CAMTA1: variants seen among roughly 807,000 people sequenced by gnomAD.
CAMTA1 encodes the protein calmodulin binding transcription activator 1.
CAMTA1 carries 27 observed loss-of-function variants against 170.9 expected under a neutral mutation model. The observed-to-expected ratio is 0.16, with a 90% CI of 0.12 to 0.22. CAMTA1 has a LOEUF of 0.22. CAMTA1 is among the 10% of genes least tolerant of loss of function. The pLI is 1.00. For synonymous variants in CAMTA1, 833 were observed against 891.5 expected (o/e 0.93, Z 1.17); for missense variants, 1,619 against 2,217.2 (o/e 0.73, Z 5.42).
At chr1:7,659,303 A>AG (rs35268643) in intron 7 of CAMTA1, among the ~76,000 whole-genome samples, 58 of 152,120 alleles carry the variant, frequency 3.8e-4, no homozygotes, top group African/African-American at 9.4e-4. Context: ...GGGAGGCCAA[A>AG]GGGGGGTGGA....
chr1:7,766,482 AG>A lies in CAMTA1; in HGVS notation c.5015del (p.Gly1672GlufsTer13). Reference protein sequence around the residue: ...KRSERIEKGQGT With the variant: ...KRSERIEKGQXT ...AGAGTGAAAGAATTGAAAAAGGCCAAGGAACTTGAAGACATACAGCAGCATC... is the reference window on the plus strand; with the variant it reads ...AGAGTGAAAGAATTGAAAAAGGCCAAGAACTTGAAGACATACAGCAGCATC... On this transcript the variant is annotated frameshift_variant, in exon 23 of 23. Coordinates refer to ENST00000303635, the MANE Select transcript of CAMTA1 (RefSeq NM_015215.4). LOFTEE classifies it high-confidence loss of function. 1 of 1,614,146 alleles carries A rather than the reference AG, an allele frequency of 6.2e-7. No individual in the cohort carries two copies. Among genetic ancestry groups the A allele is most frequent in the East Asian group, 2.2e-5 (1 of 44,890 alleles).
At chr1:6,813,983 TA>T (rs1285744537) in intron 1 of CAMTA1, among the ~76,000 whole-genome samples, 2 of 152,238 alleles carry the variant, frequency 1.3e-5, no homozygotes, top group Admixed American at 1.3e-4. Context: ...GGCTGGTTAT[TA>T]ATTTATGAAT....
At chr1:7,135,427 A>G (rs1347292535) in intron 4 of CAMTA1, among the ~76,000 whole-genome samples, 2 of 152,082 alleles carry the variant, frequency 1.3e-5, no homozygotes, top group African/African-American at 2.4e-5. Context: ...ATAATAACAG[A>G]TGCTGGTGAG....
chr1:7,210,294 G>C lies in CAMTA1; in HGVS notation c.303-39197G>C, dbSNP rs191298820. On this transcript the variant is annotated intron_variant, in intron 4 of 22. Transcript: ENST00000303635. Reference sequence around the variant, plus strand: ...CTTTCATGACCTTGCCATTTTTGCAGCATACAGGCCATTTATTTTGTAGAC... The same window carrying C: ...CTTTCATGACCTTGCCATTTTTGCACCATACAGGCCATTTATTTTGTAGAC... 6.0e-3 allele frequency among the ~76,000 whole-genome samples: 915 copies of C among 152,250 alleles called. 26 individuals are homozygous for C. The highest frequency in any genetic ancestry group is 0.053 in the Admixed American group (804 of 15,292).
Position 7,748,204 on chromosome 1 carries a change from G to A in CAMTA1, c.4689+423G>A, listed in dbSNP as rs908094893. Among the ~76,000 whole-genome samples, 1 of 151,892 alleles carries A rather than the reference G, an allele frequency of 6.6e-6. No homozygotes were observed. Among genetic ancestry groups the A allele is most frequent in the Non-Finnish European group, 1.5e-5 (1 of 68,012 alleles). ...TGGGATTACAAGCATGAGCCGCAGC[G>A]CCCGGCCAGAGACTTAATTTGAACT... On this transcript the variant is annotated intron_variant, in intron 19 of 22. Coordinates refer to ENST00000303635, the MANE Select transcript of CAMTA1 (RefSeq NM_015215.4). The surrounding 1 kb of genome is among the most constrained non-coding windows in gnomAD (Gnocchi z 4.7).
intron 3 of CAMTA1, among the ~76,000 whole-genome samples, chr1:7,078,953 T>C (rs1639662449): frequency 6.6e-6 from 1 of 152,190 alleles, no homozygotes. Context: ...AAGAAAGTGC[T>C]CTAGAAACTT....
Position 7,677,784 on chromosome 1 carries a change from T to C in CAMTA1, c.2914+51T>C, listed in dbSNP as rs370003805. The C allele has an allele frequency of 3.2e-6, 5 of 1,577,672 alleles. No homozygotes were observed. In the African/African-American group the frequency reaches 4.0e-5, roughly 13 times the overall value. The stretch of plus-strand genomic sequence containing the variant: ...GCCAGGCACCAAGGGAGAGGGATGC[T>C]TGGGGACTCTTGCACAAGGTGTGAA... On this transcript the variant is annotated intron_variant, in intron 11 of 22. Coordinates refer to ENST00000303635, the MANE Select transcript of CAMTA1 (RefSeq NM_015215.4).
chr1:6,972,350 T>C (rs1051235293), intron 3 of CAMTA1, among the ~76,000 whole-genome samples: 4 of 152,206 alleles, frequency 2.6e-5, no homozygotes, highest in Non-Finnish European at 5.9e-5. Flanking sequence ...CGTTAAGACA[T>C]TTACTCATGC....
chr1:7,042,618 G>A (rs1287260940), intron 3 of CAMTA1, among the ~76,000 whole-genome samples: 1 of 152,228 alleles, frequency 6.6e-6, no homozygotes, highest in African/African-American at 2.4e-5. Flanking sequence ...GGTCGGGGGA[G>A]GGGGAGCAGC....
chr1:6,829,979 A>T (rs995651674), intron 3 of CAMTA1, among the ~76,000 whole-genome samples: 2 of 150,888 alleles, frequency 1.3e-5, no homozygotes, highest in Non-Finnish European at 2.9e-5. Flanking sequence ...TCCTTTTTTT[A>T]AAAAAAGTTT....
intron 5 of CAMTA1, among the ~76,000 whole-genome samples, chr1:7,294,603 G>A (rs1027335074): frequency 6.6e-6 from 1 of 152,202 alleles, no homozygotes; most frequent in Non-Finnish European, 1.5e-5. Flanking sequence ...CTTTGCTCTC[G>A]TTCAGCTTCC....
At chr1:7,583,734 G>T (rs1261142758) in intron 6 of CAMTA1, among the ~76,000 whole-genome samples, 2 of 152,164 alleles carry the variant, frequency 1.3e-5, no homozygotes, top group African/African-American at 2.4e-5. Flanking sequence ...GATCCACAAG[G>T]TCTGCCCTGG....
At chr1:6,964,243 G>C (rs1204865003) in intron 3 of CAMTA1, among the ~76,000 whole-genome samples, 3 of 151,966 alleles carry the variant, frequency 2.0e-5, no homozygotes, top group Non-Finnish European at 4.4e-5. Flanking sequence ...GGTCTGGGTA[G>C]GAGTGGTGTG....
At chr1:7,057,941 C>A (rs972730879) in intron 3 of CAMTA1, among the ~76,000 whole-genome samples, 2 of 152,208 alleles carry the variant, frequency 1.3e-5, no homozygotes, top group Admixed American at 1.3e-4. Context: ...CCAAGCCAGG[C>A]CAGGCCAGGC....
At chr1:7,018,914 G>A (rs61780946) in intron 3 of CAMTA1, among the ~76,000 whole-genome samples, 3,137 of 152,308 alleles carry the variant, frequency 0.021, 76 homozygotes, top group South Asian at 0.091. Flanking sequence ...ACTGTGGACA[G>A]AAACATGTTA....
chr1:7,541,954 G>T (rs551727044), intron 6 of CAMTA1, among the ~76,000 whole-genome samples: 1 of 152,162 alleles, frequency 6.6e-6, no homozygotes, highest in Non-Finnish European at 1.5e-5. Flanking sequence ...CTTCCTCGGC[G>T]TTCCTCCAGA....
At chr1:7,331,966 A>G (rs75736353) in intron 5 of CAMTA1, among the ~76,000 whole-genome samples, 1 of 152,074 alleles carries the variant, frequency 6.6e-6, no homozygotes, top group Non-Finnish European at 1.5e-5. Flanking sequence ...CCTCTCCCCA[A>G]CCCGTTTGTG....
chr1:7,145,417 G>C (rs1028648946), intron 4 of CAMTA1, among the ~76,000 whole-genome samples: 2 of 152,230 alleles, frequency 1.3e-5, no homozygotes, highest in Non-Finnish European at 2.9e-5. Flanking sequence ...TTGTTTAATA[G>C]TGCAGGGAAA....
chr1:6,912,048 T>G (rs1223242750), intron 3 of CAMTA1, among the ~76,000 whole-genome samples: 1 of 152,148 alleles, frequency 6.6e-6, no homozygotes. Context: ...CTGAAGGGTG[T>G]TGTTTGTAGG....
Sources: allele counts gnomAD v4.1 joint callset (sites outside exome capture counted in the v4.1 genomes callset), GRCh38; gene constraint gnomAD v4.1.1; non-coding constraint Gnocchi (gnomAD v3.1); transcripts MANE v1.5; gene names NCBI Gene and HGNC (gene_info 2026-07-23, HGNC 2026-07-21).